Variants in PPM1D observed in about 807,000 individuals in gnomAD.
PPM1D encodes protein phosphatase, Mg2+/Mn2+ dependent 1D.
PPM1D carries 52 observed loss-of-function variants against 58.3 expected under a neutral mutation model. The observed-to-expected ratio is 0.89, with a 90% confidence interval of 0.71 to 1.12. The LOEUF (loss-of-function observed/expected upper bound fraction) is 1.12, where lower values mean the gene tolerates loss of function less well. PPM1D is among the 50% of genes most tolerant of loss of function. PPM1D has a pLI of 0.00. For missense variants in PPM1D, 564 were observed against 777.2 expected (o/e 0.73, Z 3.26); for synonymous variants, 278 against 285.1 (o/e 0.98, Z 0.25).
intron 1 of PPM1D, among the ~76,000 whole-genome samples, chr17:60,613,689 C>T (rs914491637): frequency 1.4e-4 from 22 of 152,214 alleles, no homozygotes; most frequent in South Asian, 6.2e-4. Context: ...GCATGGGCTC[C>T]GCAGGCCCTG....
Position 60,651,203 on chromosome 17 carries a change from G to A in PPM1D, c.1017+3121G>A, listed in dbSNP as rs887222053. Among the ~76,000 whole-genome samples, 7 of 152,226 alleles carry A rather than the reference G, an allele frequency of 4.6e-5. No individual in the cohort carries two copies. The East Asian group carries it at 1.3e-3, about 29-fold the overall frequency. On this transcript the variant is annotated intron_variant, in intron 4 of 5. Coordinates refer to ENST00000305921, the MANE Select transcript of PPM1D (RefSeq NM_003620.4). ...TGATGGGAAGGGAAACAGGCACACT[G>A]AAAAAGTGAGAGGTAAGGGCTCAGT...
Position 60,623,585 on chromosome 17 carries a change from C to A in PPM1D, c.537C>A (p.Ile179=). ...CAGGGACAACTGCCAGTGTGGTCAT[C>A]ATTCGGGGCATGAAGATGTATGTAG... ...STSGTTASVV[I]IRGMKMYVAH... is the part of the protein sequence containing the mutation. Residue 179 remains isoleucine, a synonymous_variant, in exon 2 of 6, where the codon ATC becomes ATA. Coordinates refer to ENST00000305921, the MANE Select transcript of PPM1D (RefSeq NM_003620.4). The A allele has an allele frequency of 6.2e-7, 1 of 1,614,210 alleles. No individual in the cohort carries two copies. The highest frequency in any genetic ancestry group is 8.5e-7 in the Non-Finnish European group (1 of 1,180,040).
rs908274095 is a variant in PPM1D at position 60,600,215 on chromosome 17, G to A, written c.-200G>A. 2 of 1,078,004 alleles carry A rather than the reference G, an allele frequency of 1.9e-6. No individual in the cohort carries two copies. Among genetic ancestry groups the A allele is most frequent in the Non-Finnish European group, 1.3e-6 (1 of 781,158 alleles). The allele number at this position is 1,078,004 out of a possible 1,614,324, so 66.8% of individuals were successfully genotyped here. ...CGCAGTGCGCAGGCGCAACTGCCTG[G>A]CTCTGCTCGCTCCGGCGCTCCGGCC... On this transcript the variant is annotated 5_prime_UTR_variant, in exon 1 of 6. Coordinates refer to ENST00000305921, the MANE Select transcript of PPM1D (RefSeq NM_003620.4).
At chr17:60,645,173 A>G (rs374798212) in intron 3 of PPM1D, among the ~76,000 whole-genome samples, 2 of 151,948 alleles carry the variant, frequency 1.3e-5, no homozygotes, top group African/African-American at 4.8e-5. Context: ...AGCCAACATG[A>G]TGAAACCTCG....
intron 1 of PPM1D, among the ~76,000 whole-genome samples, chr17:60,607,599 C>A (rs1466479963): frequency 6.6e-6 from 1 of 152,112 alleles, no homozygotes; most frequent in African/African-American, 2.4e-5. Context: ...CCGCACCTGG[C>A]AAAAATAAGT....
intron 3 of PPM1D, among the ~76,000 whole-genome samples, chr17:60,640,525 T>C (rs991707438): frequency 2.0e-5 from 3 of 151,606 alleles, no homozygotes; most frequent in African/African-American, 7.3e-5. Context: ...TTGTGGGCTT[T>C]TGTTTGTTTG....
intron 1 of PPM1D, among the ~76,000 whole-genome samples, chr17:60,608,786 C>T (rs1295487593): frequency 6.6e-6 from 1 of 150,556 alleles, no homozygotes; most frequent in Non-Finnish European, 1.5e-5. Flanking sequence ...CTCGCTCTGT[C>T]GCCCAGGCTG....
intron 3 of PPM1D, among the ~76,000 whole-genome samples, chr17:60,635,500 C>T (rs2031006584): frequency 6.6e-6 from 1 of 152,176 alleles, no homozygotes; most frequent in Admixed American, 6.5e-5. Context: ...CAGGCGTGAG[C>T]CACTGTGCCT....
intron 1 of PPM1D, among the ~76,000 whole-genome samples, chr17:60,619,186 T>C (rs767197759): frequency 3.3e-5 from 5 of 152,232 alleles, no homozygotes; most frequent in African/African-American, 7.2e-5. Context: ...TCCTACAGGT[T>C]CATCCTTGTG....
chr17:60,661,219 C>CAAAAAA (rs373913706), intron 5 of PPM1D, among the ~76,000 whole-genome samples: 10 of 48,940 alleles, frequency 2.0e-4, no homozygotes, highest in African/African-American at 5.9e-4. Context: ...AACTCCATCT[C>CAAAAAA]AAAAAAAAAA....
intron 1 of PPM1D, among the ~76,000 whole-genome samples, chr17:60,606,117 A>G (rs544455186): frequency 1.1e-4 from 17 of 152,226 alleles, no homozygotes; most frequent in African/African-American, 4.1e-4. Flanking sequence ...TTGTACTGCT[A>G]TGAATTTGAC....
rs927779565 is a variant in PPM1D at position 60,623,590 on chromosome 17, G to A, written c.542G>A (p.Arg181Gln). 3 of 1,614,042 alleles carry A rather than the reference G, an allele frequency of 1.9e-6. No homozygotes were observed. The highest frequency in any genetic ancestry group is 2.5e-6 in the Non-Finnish European group (3 of 1,180,042). Reference sequence around the variant, plus strand: ...ACAACTGCCAGTGTGGTCATCATTCGGGGCATGAAGATGTATGTAGCTCAC... The same window carrying A: ...ACAACTGCCAGTGTGGTCATCATTCAGGGCATGAAGATGTATGTAGCTCAC... ...SGTTASVVII[R>Q]GMKMYVAHVG... Residue 181 changes from arginine to glutamine, a missense_variant, in exon 2 of 6, where the codon CGG becomes CAG. Arg to Gln is a conservative substitution (Grantham distance 43). Coordinates refer to ENST00000305921, the MANE Select transcript of PPM1D (RefSeq NM_003620.4).
At position 60,663,842 on chromosome 17, in the gene PPM1D, A is replaced by G; in HGVS notation, c.*290A>G. ...TCTCTGATACACAGTAATTGTGACA[A>G]TAGGGCTAAATGTTTAAAGAAATCA... On this transcript the variant is annotated 3_prime_UTR_variant, in exon 6 of 6. Coordinates refer to ENST00000305921, the MANE Select transcript of PPM1D (RefSeq NM_003620.4). 4.0e-6 allele frequency: 1 copy of G among 251,514 alleles called. No homozygotes were observed. The highest frequency in any genetic ancestry group is 7.7e-6 in the Non-Finnish European group (1 of 129,958). The allele number at this position is 251,514 out of a possible 1,614,324, so 15.6% of individuals were successfully genotyped here. A position where few individuals can be genotyped will look rare whatever the true frequency, so the allele number is the denominator to read the frequency against.
Position 60,600,569 on chromosome 17 carries a change from G to A in PPM1D, c.155G>A (p.Arg52Gln). 3.2e-6 allele frequency: 5 copies of A among 1,551,702 alleles called. No homozygotes were observed. The African/African-American group carries it at 4.1e-5, about 13-fold the overall frequency. The change falls in exon 1 of 6, where the codon CGG (arginine) becomes CAG (glutamine). Residue 52 changes from arginine (R) to glutamine (Q), a missense_variant. Around this residue, in one of 7 missense-constraint regions of PPM1D, gnomAD observed 132 missense variants for 150.4 expected, o/e 0.88. Transcript: ENST00000305921. ...RRSLSQPLPP[R>Q]PSPAALPGGE... ...TCGCTGTCTCAGCCGTTGCCTCCGCGGCCGTCGCCGGCCGCCCTTCCCGGC... is the reference window on the plus strand; with the variant it reads ...TCGCTGTCTCAGCCGTTGCCTCCGCAGCCGTCGCCGGCCGCCCTTCCCGGC...
intron 3 of PPM1D, among the ~76,000 whole-genome samples, chr17:60,645,342 G>A (rs1008199009): frequency 1.3e-5 from 2 of 151,386 alleles, no homozygotes; most frequent in East Asian, 1.9e-4. Context: ...CAACAAGAGC[G>A]AAACTCCATC....
Position 60,663,204 on chromosome 17 carries a change from G to GA in PPM1D, c.1472dup (p.Asn491LysfsTer2), listed in dbSNP as rs1355490760. On this transcript the variant is annotated frameshift_variant, in exon 6 of 6. Coordinates refer to ENST00000305921, the MANE Select transcript of PPM1D (RefSeq NM_003620.4). LOFTEE classifies it high-confidence loss of function. Reference sequence around the variant, plus strand: ...TGACTTTAAGGATACATGATTCTTTGAATAATAGCCTTCCAATTGGCCTTG... The same window carrying GA: ...TGACTTTAAGGATACATGATTCTTTGAAATAATAGCCTTCCAATTGGCCTTG... The GA allele has an allele frequency of 6.2e-7, 1 of 1,614,026 alleles. No individual in the cohort carries two copies. The highest frequency in any genetic ancestry group is 8.5e-7 in the Non-Finnish European group (1 of 1,180,010).
At chr17:60,654,416 A>G (rs1404605957) in intron 4 of PPM1D, among the ~76,000 whole-genome samples, 1 of 137,550 alleles carries the variant, frequency 7.3e-6, no homozygotes, top group African/African-American at 2.7e-5. Context: ...AGGTGGGAGG[A>G]TCACTTGAGC....
chr17:60,642,657 C>A, intron 3 of PPM1D, among the ~76,000 whole-genome samples: 1 of 152,054 alleles, frequency 6.6e-6, no homozygotes, highest in East Asian at 1.9e-4. Flanking sequence ...CTGGGTTTCA[C>A]CATTTTGGCC....
intron 5 of PPM1D, among the ~76,000 whole-genome samples, chr17:60,658,917 G>A (rs1044651425): frequency 3.3e-5 from 5 of 152,118 alleles, no homozygotes; most frequent in Admixed American, 6.5e-5. Context: ...CTGAGATCGC[G>A]TTGCAGCACT....
Sources: allele counts gnomAD v4.1 joint callset (sites outside exome capture counted in the v4.1 genomes callset), GRCh38; gene constraint gnomAD v4.1.1; regional missense constraint gnomAD v4.1.1; transcripts MANE v1.5; gene names NCBI Gene and HGNC (gene_info 2026-07-23, HGNC 2026-07-21).